Variants in PXK observed in about 807,000 individuals in gnomAD.
PXK encodes the protein PX domain containing serine/threonine kinase like, also known as PX domain-containing protein kinase-like protein.
PXK carries 35 observed loss-of-function variants against 84.7 expected under a neutral mutation model. The observed-to-expected ratio is 0.41, with a 90% CI of 0.32 to 0.55. PXK has a LOEUF of 0.55. Among genes scored for constraint, PXK ranks in the 20% least tolerant of loss-of-function variants. The pLI is 0.21. For missense variants in PXK, 634 were observed against 699.7 expected, an observed-to-expected ratio of 0.91 and a Z score of 1.06; for synonymous variants, 253 against 260.8, an observed-to-expected ratio of 0.97 and a Z score of 0.29.
In PXK at chr3:58,390,131, T is replaced by A. The variant is rs776445863; in HGVS notation, c.389-451T>A. Reference sequence around the variant, plus strand: ...AGGTTGAGTTTGCAGTGAGCCATGATTGTGCCACTGAGTTCCAGCCTGGGC... The same window carrying A: ...AGGTTGAGTTTGCAGTGAGCCATGAATGTGCCACTGAGTTCCAGCCTGGGC... On this transcript the variant is annotated intron_variant, in intron 4 of 17. Transcript: ENST00000356151. This position sits in a 1 kb window ranked among gnomAD's most constrained non-coding sequence, Gnocchi z 4.2. 8.6e-5 allele frequency among the ~76,000 whole-genome samples: 13 copies of A among 151,940 alleles called. No individual in the cohort carries two copies. Among genetic ancestry groups the A allele is most frequent in the Non-Finnish European group, 1.5e-4 (10 of 68,004 alleles).
chr3:58,357,596 T>G (rs1249353950), intron 1 of PXK, among the ~76,000 whole-genome samples: 2 of 152,230 alleles, frequency 1.3e-5, no homozygotes, highest in Non-Finnish European at 2.9e-5. Context: ...GCTATAATGT[T>G]AAGACATCTG....
Position 58,397,133 on chromosome 3 carries a change from T to A in PXK, c.917T>A (p.Leu306His). Residue 306 changes from leucine to histidine, a missense_variant, in exon 10 of 18, where the codon CTT becomes CAT. By Grantham distance (99) the Leu-to-His change is moderately conservative. This residue lies in a region of PXK where 353 missense variants were observed against 385.2 expected (regional missense o/e 0.92). Transcript: ENST00000356151. The surrounding 1 kb of genome is among the most constrained non-coding windows in gnomAD (Gnocchi z 4.7). ...LDGDTCRLLD[L>H]ENSLLGLPSF... ...GGGGACACTTGCCGGCTGCTGGACC[T>A]TGAGAATTCCTTATTGGGCCTGCCT... The A allele has an allele frequency of 6.2e-7, 1 of 1,614,164 alleles. No individual in the cohort carries two copies. The highest frequency in any genetic ancestry group is 8.5e-7 in the Non-Finnish European group (1 of 1,180,004).
At position 58,398,509 on chromosome 3, in the gene PXK, C is replaced by G. The variant is rs1420963291; in HGVS notation, c.1102+787C>G. ...GGCAGGCAGGCAGGAATGCAGACAC[C>G]AAGACAAATTGGATCCAGGAGCTCT... On this transcript the variant is annotated intron_variant, in intron 11 of 17. Transcript: ENST00000356151. The surrounding 1 kb of genome is among the most constrained non-coding windows in gnomAD (Gnocchi z 4.5). Among the ~76,000 whole-genome samples the G allele has an allele frequency of 6.6e-6, 1 of 152,136 alleles. No individual in the cohort carries two copies.
At position 58,408,984 on chromosome 3, in the gene PXK, A is replaced by G. The variant is rs141090343; in HGVS notation, c.1291A>G (p.Ile431Val). 2.5e-6 allele frequency: 4 copies of G among 1,584,390 alleles called. No homozygotes were observed. The highest frequency in any genetic ancestry group is 3.5e-6 in the Non-Finnish European group (4 of 1,153,334). Residue 431 changes from isoleucine (I) to valine (V), a missense_variant, in exon 14 of 18, where the codon ATT (isoleucine) becomes GTT (valine). Around this residue, in one of 3 missense-constraint regions of PXK, gnomAD observed 273 missense variants for 283.6 expected, o/e 0.96. Transcript: ENST00000356151. ...IAKECIEKRLIEEQKQIHQHR... is the reference protein window; with the variant it reads ...IAKECIEKRLVEEQKQIHQHR... The stretch of plus-strand genomic sequence containing the variant: ...CAAAGAATGTATAGAGAAGAGACTA[A>G]TTGAGGAACAGAAACAGGTAAATTG...
chr3:58,351,995 A>G (rs571300517), intron 1 of PXK, among the ~76,000 whole-genome samples: 17 of 152,194 alleles, frequency 1.1e-4, no homozygotes, highest in Non-Finnish European at 2.2e-4. Flanking sequence ...CATATTCACC[A>G]TGACTCTGAA....
intron 3 of PXK, among the ~76,000 whole-genome samples, chr3:58,369,837 A>C (rs1358621436): frequency 1.3e-5 from 2 of 151,980 alleles, no homozygotes; most frequent in South Asian, 2.1e-4. Flanking sequence ...AAAAAAAAAA[A>C]AAAACAAAAC....
chr3:58,392,061 A>G (rs2098636888), intron 7 of PXK, among the ~76,000 whole-genome samples: 1 of 152,248 alleles, frequency 6.6e-6, no homozygotes. Flanking sequence ...AGTAATTTAA[A>G]TACAGACTTT....
At chr3:58,357,344 T>C (rs1232854626) in intron 1 of PXK, among the ~76,000 whole-genome samples, 1 of 151,540 alleles carries the variant, frequency 6.6e-6, no homozygotes, top group Non-Finnish European at 1.5e-5. Context: ...AGTATCAAGA[T>C]CATCAGTATG....
Position 58,399,202 on chromosome 3 carries a change from GCAGA to G in PXK, c.1103-93_1103-90del, listed in dbSNP as rs1274790366. On this transcript the variant is annotated intron_variant, in intron 11 of 17. Transcript: ENST00000356151. This position sits in a 1 kb window ranked among gnomAD's most constrained non-coding sequence, Gnocchi z 4.3. ...TTTTTGACACTGTCCTGATCAGCCCGCAGACAGTTATTGCAAAGTGGTGTTAAAC... is the reference window on the plus strand; with the variant it reads ...TTTTTGACACTGTCCTGATCAGCCCGCAGTTATTGCAAAGTGGTGTTAAAC... 3.8e-6 allele frequency: 4 copies of G among 1,044,436 alleles called. No individual in the cohort carries two copies. Among genetic ancestry groups the G allele is most frequent in the Non-Finnish European group, 5.9e-6 (4 of 674,814 alleles). 64.7% of individuals were successfully genotyped at this position (1,044,436 alleles called of 1,614,324 possible). A position where few individuals can be genotyped will look rare whatever the true frequency, so the allele number is the denominator to read the frequency against.
At position 58,399,159 on chromosome 3, in the gene PXK, T is replaced by C; in HGVS notation, c.1103-140T>C. On this transcript the variant is annotated intron_variant, in intron 11 of 17. Coordinates refer to ENST00000356151, the MANE Select transcript of PXK (RefSeq NM_017771.5). The surrounding 1 kb of genome is among the most constrained non-coding windows in gnomAD (Gnocchi z 4.3). ...GCATTCCCCCACCCCACGTATGCCA[T>C]CTGTCTGTGTGTGAAGATTTTTGAC... 1 of 715,784 alleles carries C rather than the reference T, an allele frequency of 1.4e-6. No homozygotes were observed. The allele number at this position is 715,784 out of a possible 1,614,324, so 44.3% of individuals were successfully genotyped here. A position where few individuals can be genotyped will look rare whatever the true frequency, so the allele number is the denominator to read the frequency against.
rs1195186962 is a variant in PXK at position 58,411,180 on chromosome 3, G to A, written c.1465+1021G>A. Among the ~76,000 whole-genome samples the A allele has an allele frequency of 6.6e-6, 1 of 152,176 alleles. No individual in the cohort carries two copies. Among genetic ancestry groups the A allele is most frequent in the African/African-American group, 2.4e-5 (1 of 41,446 alleles). On this transcript the variant is annotated intron_variant, in intron 16 of 17. Transcript: ENST00000356151. This position sits in a 1 kb window ranked among gnomAD's most constrained non-coding sequence, Gnocchi z 4.2. ...AGGGAGGAGAATGTCTGCCTGGGGC[G>A]GGAGGAGAAAAGTGTACAAGATGAT...
intron 3 of PXK, among the ~76,000 whole-genome samples, chr3:58,374,274 G>A (rs1426508024): frequency 6.6e-6 from 1 of 150,820 alleles, no homozygotes; most frequent in African/African-American, 2.4e-5. Context: ...GGGTTCAAGC[G>A]ATTATCCTGC....
intron 17 of PXK, among the ~76,000 whole-genome samples, chr3:58,424,055 C>A (rs1229785170): frequency 6.6e-6 from 1 of 152,174 alleles, no homozygotes; most frequent in East Asian, 1.9e-4. Context: ...AGAAGGATTT[C>A]TCTGTAAGAA....
At position 58,407,597 on chromosome 3, in the gene PXK, G is replaced by C. The variant is rs959946114; in HGVS notation, c.1231-1327G>C. Among the ~76,000 whole-genome samples, 2 of 151,754 alleles carry C rather than the reference G, an allele frequency of 1.3e-5. No homozygotes were observed. Among genetic ancestry groups the C allele is most frequent in the Non-Finnish European group, 2.9e-5 (2 of 67,968 alleles). ...TCTTTTGGAGACAGGGGCTCGTTCTGTTGCTTAGGCTGGAGTGCAGCAGCA... is the reference window on the plus strand; with the variant it reads ...TCTTTTGGAGACAGGGGCTCGTTCTCTTGCTTAGGCTGGAGTGCAGCAGCA... On this transcript the variant is annotated intron_variant, in intron 13 of 17. Coordinates refer to ENST00000356151, the MANE Select transcript of PXK (RefSeq NM_017771.5). The surrounding 1 kb of genome is among the most constrained non-coding windows in gnomAD (Gnocchi z 4.3).
Position 58,412,811 on chromosome 3 carries a change from GA to G in PXK, c.1466-89del. 1 of 1,319,340 alleles carries G rather than the reference GA, an allele frequency of 7.6e-7. No individual in the cohort carries two copies. Among genetic ancestry groups the G allele is most frequent in the Non-Finnish European group, 1.1e-6 (1 of 912,846 alleles). The allele number at this position is 1,319,340 out of a possible 1,614,324, so 81.7% of individuals were successfully genotyped here. A position where few individuals can be genotyped will look rare whatever the true frequency, so the allele number is the denominator to read the frequency against. ...AGGCTCACACACTAAGCCAAATGTA[GA>G]TTCTCAGACAGCAGTGGGTCCCAGC... On this transcript the variant is annotated intron_variant, in intron 16 of 17. Transcript: ENST00000356151. The surrounding 1 kb of genome is among the most constrained non-coding windows in gnomAD (Gnocchi z 6.2).
Position 58,409,746 on chromosome 3 carries a change from C to A in PXK, c.1395+128C>A. 1 of 775,182 alleles carries A rather than the reference C, an allele frequency of 1.3e-6. No homozygotes were observed. The highest frequency in any genetic ancestry group is 2.0e-6 in the Non-Finnish European group (1 of 503,416). The allele number at this position is 775,182 out of a possible 1,614,324, so 48.0% of individuals were successfully genotyped here. A position where few individuals can be genotyped will look rare whatever the true frequency, so the allele number is the denominator to read the frequency against. ...TCTCCTTGAAAGCTAAGACTATTTC[C>A]AGATGACTGGGGTGCAGTTTTTTTG... On this transcript the variant is annotated intron_variant, in intron 15 of 17. Coordinates refer to ENST00000356151, the MANE Select transcript of PXK (RefSeq NM_017771.5). The surrounding 1 kb of genome is among the most constrained non-coding windows in gnomAD (Gnocchi z 4.2).
rs923394762 is a variant in PXK, at chr3:58,370,868, G to A, written c.201+1390G>A. Among the ~76,000 whole-genome samples, 5 of 152,104 alleles carry A rather than the reference G, an allele frequency of 3.3e-5. No individual in the cohort carries two copies. The highest frequency in any genetic ancestry group is 7.4e-5 in the Non-Finnish European group (5 of 68,022). Reference sequence around the variant, plus strand: ...ACAAAAATTAGCTGGGTGTGGTGTGGGCGCCTGTAATCCCAGCTACTCAGG... The same window carrying A: ...ACAAAAATTAGCTGGGTGTGGTGTGAGCGCCTGTAATCCCAGCTACTCAGG... On this transcript the variant is annotated intron_variant, in intron 3 of 17. Transcript: ENST00000356151. The surrounding 1 kb of genome is among the most constrained non-coding windows in gnomAD (Gnocchi z 4.2).
intron 3 of PXK, among the ~76,000 whole-genome samples, chr3:58,373,083 CTTT>C (rs71091374): frequency 2.2e-5 from 3 of 139,254 alleles, no homozygotes; most frequent in Admixed American, 1.5e-4. Flanking sequence ...TCCGTCATTT[CTTT>C]TTTTTTTTTT....
At chr3:58,395,333 A>G (rs2057476501) in intron 8 of PXK, among the ~76,000 whole-genome samples, 1 of 152,242 alleles carries the variant, frequency 6.6e-6, no homozygotes, top group Non-Finnish European at 1.5e-5. Flanking sequence ...TGTCCATTAC[A>G]TGGCAAGCTG....
Sources: gnomAD v4.1 joint callset for allele counts (sites outside exome capture counted in the v4.1 genomes callset) on GRCh38, gnomAD v4.1.1 for gene constraint, gnomAD v4.1.1 regional missense constraint, Gnocchi (gnomAD v3.1) non-coding constraint, MANE v1.5 for transcripts, NCBI Gene and HGNC (gene_info 2026-07-23, HGNC 2026-07-21) for gene names.